The following JADE1 variants were observed in gnomAD, a reference collection of about 807,000 sequenced individuals.
JADE1 encodes protein Jade-1.
JADE1 carries 14 observed loss-of-function variants against 81.8 expected under a neutral mutation model. That is an observed-to-expected ratio of 0.17 (90% CI 0.11 to 0.27). The LOEUF (loss-of-function observed/expected upper bound fraction) is 0.27. JADE1 is among the 10% of genes least tolerant of loss of function. The pLI, the probability that JADE1 is intolerant of heterozygous loss-of-function variation, is 1.00. For missense variants in JADE1, 690 were observed against 1,047.9 expected (o/e 0.66, Z 4.71); for synonymous variants, 353 against 391.9 (o/e 0.90, Z 1.17).
At chr4:128,823,201 T>C (rs1486341708) in intron 1 of JADE1, among the ~76,000 whole-genome samples, 1 of 152,166 alleles carries the variant, frequency 6.6e-6, no homozygotes, top group African/African-American at 2.4e-5. Context: ...TGACTCTTAA[T>C]TGAGTCAGCA....
At chr4:128,849,845 T>C (rs575364816) in intron 5 of JADE1, among the ~76,000 whole-genome samples, 13 of 152,160 alleles carry the variant, frequency 8.5e-5, no homozygotes, top group Non-Finnish European at 1.3e-4. Flanking sequence ...TCCTGATTGC[T>C]AAGGGTTGCC....
intron 5 of JADE1, among the ~76,000 whole-genome samples, chr4:128,850,512 CAG>C (rs1174917473): frequency 6.6e-6 from 1 of 152,154 alleles, no homozygotes; most frequent in African/African-American, 2.4e-5. Context: ...TCTACTCGCT[CAG>C]TTACTCAAGT....
intron 5 of JADE1, among the ~76,000 whole-genome samples, chr4:128,850,552 C>T (rs1259720228): frequency 6.6e-6 from 1 of 152,192 alleles, no homozygotes; most frequent in African/African-American, 2.4e-5. Context: ...AGACTTCCTT[C>T]TTCTTGGTCC....
chr4:128,841,433 T>A (rs1404426248), intron 2 of JADE1, among the ~76,000 whole-genome samples: 2 of 152,144 alleles, frequency 1.3e-5, no homozygotes, highest in African/African-American at 2.4e-5. Flanking sequence ...GCTGGAATTA[T>A]TGGGAAGTTG....
chr4:128,873,042 CCTT>C lies in JADE1; in HGVS notation c.*788_*790del, dbSNP rs1157856859. 5 of 391,822 alleles carry C rather than the reference CCTT, an allele frequency of 1.3e-5. No homozygotes were observed. The East Asian group carries it at 3.0e-4, about 23-fold the overall frequency. The allele number at this position is 391,822 out of a possible 1,614,324, so 24.3% of individuals were successfully genotyped here. On this transcript the variant is annotated 3_prime_UTR_variant, in exon 11 of 11. Coordinates refer to ENST00000226319, the MANE Select transcript of JADE1 (RefSeq NM_199320.4). Reference sequence around the variant, plus strand: ...GTAGAATTTTTACCAGTCCACTTGACCTTCTTCTTCCCTAACCACTGGCTCTTG... The same window carrying C: ...GTAGAATTTTTACCAGTCCACTTGACCTTCTTCCCTAACCACTGGCTCTTG...
At position 128,831,079 on chromosome 4, in the gene JADE1, C is replaced by G. The variant is rs1728510025; in HGVS notation, c.-26-654C>G. On this transcript the variant is annotated intron_variant, in intron 1 of 10. Coordinates refer to ENST00000226319, the MANE Select transcript of JADE1 (RefSeq NM_199320.4). ...CCACAACGTGACCTTGGGGAAGTTG[C>G]TGCTTAACCTTTCTTGGCTTTAGTT... is the stretch of plus-strand genomic sequence containing the variant. Among the ~76,000 whole-genome samples the G allele has an allele frequency of 2.6e-5, 4 of 152,184 alleles. No individual in the cohort carries two copies. In the South Asian group the frequency reaches 8.3e-4, roughly 32 times the overall value.
rs911461753 is a variant in JADE1 at position 128,864,435 on chromosome 4, G to C, written c.1503+2210G>C. 5 of 985,272 alleles carry C rather than the reference G, an allele frequency of 5.1e-6. No homozygotes were observed. The South Asian group carries it at 1.9e-4, about 37-fold the overall frequency. The allele number at this position is 985,272 out of a possible 1,614,324, so 61.0% of individuals were successfully genotyped here. ...TGTTGGGATTACGCCACTGTACCCA[G>C]CCTTAGACTCAGTTTAAAATGGGCT... is the stretch of plus-strand genomic sequence containing the variant. On this transcript the variant is annotated intron_variant, in intron 9 of 10. Transcript: ENST00000226319.
At chr4:128,855,071 A>T (rs1202951526) in intron 6 of JADE1, among the ~76,000 whole-genome samples, 1 of 150,806 alleles carries the variant, frequency 6.6e-6, no homozygotes, top group Non-Finnish European at 1.5e-5. Context: ...GTTGGTATGG[A>T]GTTTGCTTAG....
intron 7 of JADE1, among the ~76,000 whole-genome samples, chr4:128,856,098 C>T (rs1009097038): frequency 6.6e-6 from 1 of 152,182 alleles, no homozygotes; most frequent in African/African-American, 2.4e-5. Context: ...GGATTACAAG[C>T]GTGAGCCACT....
chr4:128,833,655 C>T (rs114996864), intron 2 of JADE1, among the ~76,000 whole-genome samples: 3,482 of 152,212 alleles, frequency 0.023, 113 homozygotes, highest in African/African-American at 0.076. Context: ...GATCGTGGCC[C>T]CTGTACTCCA....
At chr4:128,810,118 G>A (rs1352350812) in intron 1 of JADE1, 1 of 152,676 alleles carries the variant, frequency 6.5e-6, no homozygotes, top group Non-Finnish European at 1.5e-5. Context: ...AATATAATAC[G>A]TCATTAATAT....
chr4:128,812,349 G>A (rs918129353), intron 1 of JADE1, among the ~76,000 whole-genome samples: 6 of 151,688 alleles, frequency 4.0e-5, no homozygotes, highest in African/African-American at 1.4e-4. Context: ...GGCGCCGCGC[G>A]GAACCGCGGC....
intron 8 of JADE1, among the ~76,000 whole-genome samples, chr4:128,860,072 G>C (rs1234094087): frequency 2.0e-5 from 3 of 152,124 alleles, no homozygotes; most frequent in Non-Finnish European, 4.4e-5. Flanking sequence ...GAGCGCTTGG[G>C]TTAAGTGTAG....
At chr4:128,862,885 T>A in intron 9 of JADE1, 1 of 979,804 alleles carries the variant, frequency 1.0e-6, no homozygotes, top group Middle Eastern at 5.2e-4. Context: ...TGCTAAGTCA[T>A]CACTGAGGCT....
At chr4:128,814,567 CTT>C (rs376501164) in intron 1 of JADE1, among the ~76,000 whole-genome samples, 22 of 135,164 alleles carry the variant, frequency 1.6e-4, no homozygotes, top group Non-Finnish European at 1.5e-4. Context: ...AGGATTTTTT[CTT>C]TTTTTTTTTT....
At chr4:128,826,683 G>A (rs937072422) in intron 1 of JADE1, among the ~76,000 whole-genome samples, 1 of 152,092 alleles carries the variant, frequency 6.6e-6, no homozygotes, top group African/African-American at 2.4e-5. Flanking sequence ...TTACAGGCAT[G>A]AGCCACTGCA....
At chr4:128,823,037 A>G (rs1035953017) in intron 1 of JADE1, among the ~76,000 whole-genome samples, 6 of 152,200 alleles carry the variant, frequency 3.9e-5, no homozygotes, top group Admixed American at 6.5e-5. Context: ...AGATGGAAAT[A>G]AGGATAAAAG....
intron 6 of JADE1, among the ~76,000 whole-genome samples, chr4:128,853,902 G>T (rs552970427): frequency 6.6e-6 from 1 of 152,112 alleles, no homozygotes; most frequent in Non-Finnish European, 1.5e-5. Flanking sequence ...TTCAGTCATC[G>T]CCGTCTGTTG....
chr4:128,851,920 C>T (rs1730390894), intron 5 of JADE1, 137 bp from the exon 6 acceptor site: 6 of 663,896 alleles, frequency 9.0e-6, no homozygotes, highest in Non-Finnish European at 1.5e-5. Flanking sequence ...CCACGCCTGG[C>T]CAGTGATTGG....
Sources: allele counts gnomAD v4.1 joint callset (sites outside exome capture counted in the v4.1 genomes callset), GRCh38; gene constraint gnomAD v4.1.1; transcripts MANE v1.5; gene names NCBI Gene and HGNC (gene_info 2026-07-23, HGNC 2026-07-21).